Variants in MTUS2 observed in about 807,000 individuals in gnomAD.
MTUS2 encodes microtubule associated scaffold protein 2, also known as microtubule-associated tumor suppressor candidate 2.
In MTUS2, 40 loss-of-function variants were observed where a neutral mutation model predicts 114.1. The observed-to-expected ratio is 0.35, with a 90% CI of 0.27 to 0.46. MTUS2 has a LOEUF of 0.46. MTUS2 is among the 20% of genes least tolerant of loss of function. MTUS2 has a pLI of 1.00. For missense variants in MTUS2, 1,679 were observed against 1,705.4 expected, an observed-to-expected ratio of 0.98 and a Z score of 0.27; for synonymous variants, 688 against 672.0, an observed-to-expected ratio of 1.02 and a Z score of -0.37.
chr13:29,159,624 A>G (rs1014257888), intron 5 of MTUS2, among the ~76,000 whole-genome samples: 4 of 151,506 alleles, frequency 2.6e-5, no homozygotes. Flanking sequence ...ACTAATATAC[A>G]TAAAGAACTC....
chr13:29,497,370 G>A, intron 13 of MTUS2, 34 bp downstream of exon 13: 1 of 1,580,030 alleles, frequency 6.3e-7, no homozygotes, highest in Middle Eastern at 2.3e-4. Flanking sequence ...CAGCCCCGCA[G>A]GAACCCCGCC....
At chr13:29,232,249 T>G (rs1312130311) in intron 5 of MTUS2, among the ~76,000 whole-genome samples, 2 of 151,942 alleles carry the variant, frequency 1.3e-5, no homozygotes, top group African/African-American at 4.8e-5. Flanking sequence ...CCAAAAACAA[T>G]GTGTAGGCCA....
intron 10 of MTUS2, among the ~76,000 whole-genome samples, chr13:29,481,306 T>C (rs1176830969): frequency 1.3e-5 from 2 of 152,172 alleles, no homozygotes; most frequent in Non-Finnish European, 2.9e-5. Flanking sequence ...GCAGCTATCT[T>C]GTCCATGACT....
At chr13:28,917,785 TC>T (rs1352530604) in intron 2 of MTUS2, among the ~76,000 whole-genome samples, 5 of 151,942 alleles carry the variant, frequency 3.3e-5, no homozygotes, top group African/African-American at 1.2e-4. Context: ...CTCTTGCTTT[TC>T]TAGTTCTTTA....
intron 4 of MTUS2, among the ~76,000 whole-genome samples, chr13:29,085,139 C>G (rs1421826006): frequency 1.3e-5 from 2 of 152,144 alleles, no homozygotes; most frequent in East Asian, 3.9e-4. Flanking sequence ...GCAGGCTTCC[C>G]TTTACCTTCC....
chr13:29,359,434 T>G lies in MTUS2; in HGVS notation c.3078T>G (p.Phe1026Leu). The G allele has an allele frequency of 6.2e-7, 1 of 1,612,992 alleles. No individual in the cohort carries two copies. The highest frequency in any genetic ancestry group is 8.5e-7 in the Non-Finnish European group (1 of 1,179,630). ...AGCTGAAGAGGGCCATCTGCGGCTT[T>G]GATGCCCTCGCCGTGGCCACGCAGC... The part of the protein sequence containing the change: ...QGELKRAICG[F>L]DALAVATQHF... The change falls in exon 8 of 16, where the codon TTT (phenylalanine) becomes TTG (leucine). Residue 1026 changes from phenylalanine to leucine, a missense_variant. Coordinates refer to ENST00000612955, the MANE Select transcript of MTUS2 (RefSeq NM_001033602.4).
chr13:29,374,830 AC>A (rs1239202899), intron 8 of MTUS2, among the ~76,000 whole-genome samples: 2 of 152,034 alleles, frequency 1.3e-5, no homozygotes, highest in Non-Finnish European at 2.9e-5. Context: ...GGAGGCTGAG[AC>A]AGGAGAATCA....
chr13:29,197,758 G>A (rs912713158), intron 5 of MTUS2, among the ~76,000 whole-genome samples: 4 of 152,108 alleles, frequency 2.6e-5, no homozygotes, highest in African/African-American at 9.7e-5. Flanking sequence ...CATTCCAACT[G>A]GCGTGAGATG....
At chr13:29,147,686 AG>A (rs1178848566) in intron 5 of MTUS2, among the ~76,000 whole-genome samples, 5 of 152,126 alleles carry the variant, frequency 3.3e-5, no homozygotes, top group Admixed American at 2.0e-4. Flanking sequence ...GGGAACATGC[AG>A]TATTTGGTTT....
At chr13:29,405,324 C>G (rs1040903984) in intron 8 of MTUS2, among the ~76,000 whole-genome samples, 1 of 152,174 alleles carries the variant, frequency 6.6e-6, no homozygotes, top group Non-Finnish European at 1.5e-5. Flanking sequence ...AAACAGCATT[C>G]TTCAACTTTC....
intron 2 of MTUS2, among the ~76,000 whole-genome samples, chr13:28,999,825 A>G (rs925374494): frequency 9.9e-5 from 15 of 152,154 alleles, no homozygotes; most frequent in African/African-American, 2.2e-4. Flanking sequence ...CTCTATTGCT[A>G]TGAGACCAAC....
At chr13:29,445,908 CAA>C (rs904974438) in intron 9 of MTUS2, among the ~76,000 whole-genome samples, 12 of 138,046 alleles carry the variant, frequency 8.7e-5, no homozygotes, top group Admixed American at 1.4e-4. Flanking sequence ...ACTCTGTCTC[CAA>C]AAAAAAAAAA....
At chr13:29,181,788 CTGTGTGTGTGTGTGTGTGTG>C (rs34853883) in intron 5 of MTUS2, among the ~76,000 whole-genome samples, 3 of 146,828 alleles carry the variant, frequency 2.0e-5, no homozygotes, top group Admixed American at 6.8e-5. Flanking sequence ...TTATATACTA[CTGTGTGTGTGTGTGTGTGTG>C]TGTGTGTGTG....
At chr13:29,193,456 G>T (rs544455867) in intron 5 of MTUS2, among the ~76,000 whole-genome samples, 1 of 151,938 alleles carries the variant, frequency 6.6e-6, no homozygotes, top group Admixed American at 6.6e-5. Context: ...ACCAATAACA[G>T]ACAGAGAGGC....
intron 2 of MTUS2, among the ~76,000 whole-genome samples, chr13:28,950,672 A>G (rs562580917): frequency 6.6e-6 from 1 of 152,340 alleles, no homozygotes; most frequent in East Asian, 1.9e-4. Context: ...GAACAAACAT[A>G]TTTATCAATT....
intron 5 of MTUS2, among the ~76,000 whole-genome samples, chr13:29,106,541 T>C (rs999200443): frequency 1.3e-5 from 2 of 152,156 alleles, no homozygotes; most frequent in Non-Finnish European, 2.9e-5. Context: ...GTATTTTTAG[T>C]AGATGGGGTT....
Position 29,381,582 on chromosome 13 carries a change from C to T in MTUS2, c.3117+22109C>T, listed in dbSNP as rs565691451. Among the ~76,000 whole-genome samples the T allele has an allele frequency of 1.8e-4, 28 of 152,212 alleles. 1 individual carries two copies. The highest frequency in any genetic ancestry group is 5.8e-4 in the African/African-American group (24 of 41,534). ...CTTGTGTGGGCACTGCCATTAGCTT[C>T]GAGAGATGAATTACTTTGCCTAAAG... On this transcript the variant is annotated intron_variant, in intron 8 of 15. Coordinates refer to ENST00000612955, the MANE Select transcript of MTUS2 (RefSeq NM_001033602.4).
intron 2 of MTUS2, among the ~76,000 whole-genome samples, chr13:28,967,792 A>G (rs1033855815): frequency 2.0e-5 from 3 of 152,136 alleles, no homozygotes; most frequent in African/African-American, 7.2e-5. Context: ...GTAGCCCAGC[A>G]TATGTTCCAG....
intron 5 of MTUS2, among the ~76,000 whole-genome samples, chr13:29,124,343 TAAA>T (rs1370619685): frequency 6.6e-6 from 1 of 152,138 alleles, no homozygotes; most frequent in Non-Finnish European, 1.5e-5. Flanking sequence ...GTATAATACT[TAAA>T]GAAGTAGAGA....
Sources: gnomAD v4.1 joint callset for allele counts (sites outside exome capture counted in the v4.1 genomes callset) on GRCh38, gnomAD v4.1.1 for gene constraint, MANE v1.5 for transcripts, NCBI Gene and HGNC (gene_info 2026-07-23, HGNC 2026-07-21) for gene names.